PABIR3: variants seen among roughly 807,000 people sequenced by gnomAD.
The protein encoded by PABIR3 is PABIR family member 3, also known as PABIR family member 1.
PABIR3 carries 20 observed loss-of-function variants against 23.1 expected under a neutral mutation model. That is an observed-to-expected ratio of 0.86 (90% CI 0.61 to 1.26). The LOEUF is 1.26. PABIR3 is among the 50% of genes most tolerant of loss of function. The pLI, the probability that PABIR3 is intolerant of heterozygous loss-of-function variation, is 0.00. For synonymous variants in PABIR3, 69 were observed against 68.5 expected, an observed-to-expected ratio of 1.01 and a Z score of -0.04; for missense variants, 189 against 195.4, an observed-to-expected ratio of 0.97 and a Z score of 0.20.
chrX:134,800,316 A>T (rs1380881417), intron 1 of PABIR3, among the ~76,000 whole-genome samples: 5 of 107,459 alleles, frequency 4.7e-5, no homozygotes, highest in Non-Finnish European at 9.6e-5. Context: ...AAAAAAAAAT[A>T]GCCGGGCATG....
intron 7 of PABIR3, 91 bp downstream of exon 7, chrX:134,847,566 G>T: frequency 1.5e-6 from 1 of 659,005 alleles, no homozygotes. Flanking sequence ...ATATTTTGGG[G>T]GATATATTTT....
In PABIR3 at chrX:134,847,960, A is replaced by G. The variant is rs2082489997; in HGVS notation, c.516A>G (p.Gln172=). Residue 172 remains glutamine (Q), a synonymous_variant, in exon 8 of 11, where the codon CAA becomes CAG. Transcript: ENST00000645433. Reference sequence around the variant, plus strand: ...CAAGTCCTATTCCCAGTCCTATGCAACAATACATCATGTAAGTTTATGTTA... The same window carrying G: ...CAAGTCCTATTCCCAGTCCTATGCAGCAATACATCATGTAAGTTTATGTTA... ...SPSSPIPSPM[Q]QYIIRSQNPT... 1 of 1,146,857 alleles carries G rather than the reference A, an allele frequency of 8.7e-7. No homozygotes were observed. Among genetic ancestry groups the G allele is most frequent in the Admixed American group, 2.6e-5 (1 of 38,691 alleles). The allele number at this position is 1,146,857 out of a possible 1,213,427, so 94.5% of individuals were successfully genotyped here.
chrX:134,843,408 TAAA>T (rs765384577), intron 4 of PABIR3, among the ~76,000 whole-genome samples: 3 of 96,655 alleles, frequency 3.1e-5, no homozygotes. Flanking sequence ...CTGCATAGGG[TAAA>T]AAAAAAAAAG....
chrX:134,849,250 A>G, intron 9 of PABIR3, 22 bp downstream of exon 9: 1 of 702,198 alleles, frequency 1.4e-6, no homozygotes, highest in Non-Finnish European at 1.9e-6. Flanking sequence ...TAACAGTAGA[A>G]GTAAATATAA....
chrX:134,837,360 A>AT, intron 4 of PABIR3, among the ~76,000 whole-genome samples: 1 of 111,481 alleles, frequency 9.0e-6, no homozygotes, highest in African/African-American at 3.3e-5. Flanking sequence ...CAAAAAAAAA[A>AT]AATTTAAATT....
At chrX:134,853,700 A>C (rs1293610153) in intron 10 of PABIR3, among the ~76,000 whole-genome samples, 1 of 109,389 alleles carries the variant, frequency 9.1e-6, no homozygotes, top group Non-Finnish European at 1.9e-5. Context: ...GCTTACTGCA[A>C]CCTCTACCTC....
At chrX:134,809,569 C>T (rs1446561219) in intron 2 of PABIR3, 27 of 751,497 alleles carry the variant, frequency 3.6e-5, no homozygotes, top group Non-Finnish European at 4.2e-5. Context: ...AAAATGCATT[C>T]ACTACATATG....
intron 3 of PABIR3, among the ~76,000 whole-genome samples, chrX:134,820,894 C>T (rs979115490): frequency 1.9e-5 from 2 of 108,082 alleles, no homozygotes; most frequent in East Asian, 2.9e-4. Flanking sequence ...TGGTGGCACG[C>T]GCCTGTAATC....
intron 2 of PABIR3, chrX:134,809,517 T>C: frequency 1.3e-6 from 1 of 751,991 alleles, no homozygotes; most frequent in Non-Finnish European, 1.6e-6. Context: ...GATTTCACAT[T>C]TCAGTATTAT....
At chrX:134,830,817 T>G (rs995651036) in intron 4 of PABIR3, among the ~76,000 whole-genome samples, 2 of 111,676 alleles carry the variant, frequency 1.8e-5, no homozygotes, top group Admixed American at 9.6e-5. Flanking sequence ...TATGTGTTGC[T>G]ATTTGCTGGT....
intron 4 of PABIR3, among the ~76,000 whole-genome samples, chrX:134,844,967 T>C (rs2082385352): frequency 8.9e-6 from 1 of 112,402 alleles, no homozygotes; most frequent in Non-Finnish European, 1.9e-5. Flanking sequence ...ACAAAGTTTT[T>C]CATCTAATCA....
chrX:134,843,230 A>T (rs372407423), intron 4 of PABIR3, among the ~76,000 whole-genome samples: 2 of 111,179 alleles, frequency 1.8e-5, no homozygotes, highest in East Asian at 5.6e-4. Context: ...AATTTTGATG[A>T]AGACCAGTTT....
chrX:134,813,077 G>C (rs951994945), intron 2 of PABIR3, among the ~76,000 whole-genome samples: 3 of 111,936 alleles, frequency 2.7e-5, no homozygotes, highest in Non-Finnish European at 5.6e-5. Context: ...CAAATGAAAT[G>C]ATGGTATTGG....
In PABIR3 at chrX:134,845,214, A is replaced by G. The variant is rs1398973269; in HGVS notation, c.256A>G (p.Met86Val). 1.7e-6 allele frequency: 2 copies of G among 1,193,772 alleles called. No homozygotes were observed. Among genetic ancestry groups the G allele is most frequent in the East Asian group, 3.0e-5 (1 of 33,490 alleles). ...RLHQIKQEEAMDLINRETMSE... is the reference protein window; with the variant it reads ...RLHQIKQEEAVDLINRETMSE... ...TTTCCTACCTTTACAGGAAGAAGCC[A>G]TGGATTTAATAAATAGAGAAACAAT... The change falls in exon 5 of 11, where the codon ATG becomes GTG. Residue 86 changes from methionine (M) to valine (V), a missense_variant. Physicochemically the swap from Met to Val is conservative, Grantham distance 21. Transcript: ENST00000645433.
intron 6 of PABIR3, 134 bp from the exon 7 acceptor site, chrX:134,847,249 T>A: frequency 2.4e-6 from 1 of 423,700 alleles, no homozygotes; most frequent in Non-Finnish European, 4.0e-6. Context: ...TGCTTTAGGA[T>A]GGCGAGAGCT....
chrX:134,845,552 CTTT>C, intron 6 of PABIR3, 151 bp downstream of exon 6: 1 of 499,955 alleles, frequency 2.0e-6, no homozygotes, highest in Non-Finnish European at 3.2e-6. Flanking sequence ...TTTGAGTGCT[CTTT>C]TTAATTTTTT....
chrX:134,837,430 G>T (rs2082008108), intron 4 of PABIR3, among the ~76,000 whole-genome samples: 2 of 111,698 alleles, frequency 1.8e-5, no homozygotes, highest in South Asian at 7.5e-4. Flanking sequence ...TACTGTGCAG[G>T]CACTCAGTAA....
intron 3 of PABIR3, chrX:134,822,423 G>A: frequency 1.3e-6 from 1 of 751,997 alleles, no homozygotes; most frequent in Non-Finnish European, 1.6e-6. Context: ...TCCACATTTT[G>A]TCCAATTAAA....
intron 9 of PABIR3, 43 bp downstream of exon 9, chrX:134,849,271 T>TA: frequency 3.5e-6 from 2 of 568,880 alleles, no homozygotes; most frequent in African/African-American, 2.4e-5. Context: ...CTTTAAGTTA[T>TA]TTTATAAAAT....
Sources: allele counts gnomAD v4.1 joint callset (sites outside exome capture counted in the v4.1 genomes callset), GRCh38; gene constraint gnomAD v4.1.1; transcripts MANE v1.5; gene names NCBI Gene and HGNC (gene_info 2026-07-23, HGNC 2026-07-21).